The following CIT variants were observed in gnomAD, a reference collection of about 807,000 sequenced individuals.
CIT encodes citron rho-interacting serine/threonine kinase, also known as citron Rho-interacting kinase.
CIT carries 79 observed loss-of-function variants against 272.7 expected under a neutral mutation model. The ratio of observed to expected loss-of-function variants is 0.29; its 90% CI spans 0.24 to 0.35. The LOEUF is 0.35. Ranked by LOEUF, CIT falls within the 10% of genes least tolerant of loss-of-function variation. The pLI is 1.00. For synonymous variants in CIT, 948 were observed against 995.6 expected (o/e 0.95, Z 0.90); for missense variants, 1,909 against 2,618.3 (o/e 0.73, Z 5.91).
At position 119,697,684 on chromosome 12, in the gene CIT, G is replaced by T. The variant is rs752018106; in HGVS notation, c.5857C>A (p.His1953Asn). The T allele has an allele frequency of 1.2e-6, 2 of 1,614,148 alleles. No individual in the cohort carries two copies. Among genetic ancestry groups the T allele is most frequent in the Non-Finnish European group, 1.7e-6 (2 of 1,180,014 alleles). ...NLVKESGTEHHRGPSTSRSSP... is the reference protein window; with the variant it reads ...NLVKESGTEHNRGPSTSRSSP... ...CTGCGGGAGGTGGACGGGCCCCGGTGGTGTTCAGTGCCGGACTCCTTCACG... is the reference window on the plus strand; with the variant it reads ...CTGCGGGAGGTGGACGGGCCCCGGTTGTGTTCAGTGCCGGACTCCTTCACG... The change falls in exon 46 of 48, where the codon CAC becomes AAC. Residue 1953 changes from histidine to asparagine, a missense_variant. By Grantham distance (68) the His-to-Asn change is moderately conservative. Around this residue, in one of 8 missense-constraint regions of CIT, gnomAD observed 780 missense variants for 1,067.2 expected, o/e 0.73. Transcript: ENST00000392521. This position sits in a 1 kb window ranked among gnomAD's most constrained non-coding sequence, Gnocchi z 4.9.
In CIT at chr12:119,718,726, T is replaced by C; in HGVS notation, c.3976A>G (p.Ile1326Val). ...ELEEALQKTR[I>V]ELRSAREEAA... is the part of the protein sequence containing the mutation. ...TCCTCCCGGGCGGACCGGAGCTCGA[T>C]GCGGGTCTTCTGAAGGGCTTCCTCT... The change falls in exon 31 of 48, where the codon ATC (isoleucine) becomes GTC (valine). Residue 1326 changes from isoleucine to valine, a missense_variant. Around this residue, in one of 8 missense-constraint regions of CIT, gnomAD observed 780 missense variants for 1,067.2 expected, o/e 0.73. Coordinates refer to ENST00000392521, the MANE Select transcript of CIT (RefSeq NM_001206999.2). The surrounding 1 kb of genome is among the most constrained non-coding windows in gnomAD (Gnocchi z 4.8). The C allele has an allele frequency of 1.2e-6, 2 of 1,613,850 alleles. No individual in the cohort carries two copies. The highest frequency in any genetic ancestry group is 1.7e-6 in the Non-Finnish European group (2 of 1,180,042).
rs1353120733 is a variant in CIT, at chr12:119,694,153, C to T, written c.5882+3506G>A. 6.6e-6 allele frequency among the ~76,000 whole-genome samples: 1 copy of T among 152,156 alleles called. No homozygotes were observed. Among genetic ancestry groups the T allele is most frequent in the Non-Finnish European group, 1.5e-5 (1 of 68,030 alleles). ...CTTCCACACGCAGCTGGTGGGATGGCAAATGGGAGAAGCCTTCAGGGCAGA... is the reference window on the plus strand; with the variant it reads ...CTTCCACACGCAGCTGGTGGGATGGTAAATGGGAGAAGCCTTCAGGGCAGA... On this transcript the variant is annotated intron_variant, in intron 46 of 47. Coordinates refer to ENST00000392521, the MANE Select transcript of CIT (RefSeq NM_001206999.2). The surrounding 1 kb of genome is among the most constrained non-coding windows in gnomAD (Gnocchi z 4.5).
rs1966457517 is a variant in CIT, at chr12:119,804,309, C to G, written c.1112-920G>C. 3 of 985,438 alleles carry G rather than the reference C, an allele frequency of 3.0e-6. No individual in the cohort carries two copies. Among genetic ancestry groups the G allele is most frequent in the African/African-American group, 3.5e-5 (2 of 57,246 alleles). The allele number at this position is 985,438 out of a possible 1,614,324, so 61.0% of individuals were successfully genotyped here. ...CGCGGTGGGCTCCCGGGGGTGTCCC[C>G]CGCCAGAAACGTTACCATGGTTGCA... On this transcript the variant is annotated intron_variant, in intron 9 of 47. Coordinates refer to ENST00000392521, the MANE Select transcript of CIT (RefSeq NM_001206999.2). The surrounding 1 kb of genome is among the most constrained non-coding windows in gnomAD (Gnocchi z 5.3).
chr12:119,767,205 T>C, intron 18 of CIT, 23 bp from the exon 19 acceptor site: 1 of 1,586,606 alleles, frequency 6.3e-7, no homozygotes, highest in Non-Finnish European at 8.6e-7. Flanking sequence ...GAAAAGACAG[T>C]CAGGTGTGCA....
Position 119,876,072 on chromosome 12 carries a change from C to T in CIT, c.96+1G>A. On this transcript the variant is annotated splice_donor_variant, in intron 2 of 47. Transcript: ENST00000392521. LOFTEE classifies it high-confidence loss of function. The stretch of plus-strand genomic sequence containing the variant: ...GCAAAGTTGGCAGGGTAGGCTGTTA[C>T]CTGGAAGAACAGATTCAGCCTGGAG... 1.9e-6 allele frequency: 3 copies of T among 1,610,624 alleles called. No individual in the cohort carries two copies. The highest frequency in any genetic ancestry group is 2.5e-6 in the Non-Finnish European group (3 of 1,177,152).
intron 28 of CIT, among the ~76,000 whole-genome samples, chr12:119,725,095 T>C (rs2137171507): frequency 6.6e-6 from 1 of 152,194 alleles, no homozygotes; most frequent in Non-Finnish European, 1.5e-5. Context: ...AAAAATTCTT[T>C]CAATTCTGAG....
intron 3 of CIT, among the ~76,000 whole-genome samples, chr12:119,859,972 A>G (rs1479048030): frequency 6.6e-6 from 1 of 151,942 alleles, no homozygotes; most frequent in Non-Finnish European, 1.5e-5. Context: ...GCACACCACC[A>G]ATCTGGCTAA....
rs35056083 is a variant in CIT, at chr12:119,782,847, A to AG, written c.1546-211dup. The stretch of plus-strand genomic sequence containing the variant: ...AACATCATCTCAACCTGGTGACCTT[A>AG]GGGATCCAGCCGGAAACTGCATCAG... On this transcript the variant is annotated intron_variant, in intron 12 of 47. Coordinates refer to ENST00000392521, the MANE Select transcript of CIT (RefSeq NM_001206999.2). 0.45 allele frequency: 219,815 copies of AG among 487,470 alleles called. 51,483 individuals carry two copies. The highest frequency in any genetic ancestry group is 0.56 in the Admixed American group (16,199 of 28,960). 30.2% of individuals were successfully genotyped at this position (487,470 alleles called of 1,614,324 possible).
intron 19 of CIT, among the ~76,000 whole-genome samples, chr12:119,762,978 C>G (rs977407803): frequency 1.3e-5 from 2 of 152,120 alleles, no homozygotes; most frequent in African/African-American, 4.8e-5. Context: ...CCCAGGAGTT[C>G]GAAGCCTCAT....
At chr12:119,725,179 T>C (rs1202936245) in intron 28 of CIT, among the ~76,000 whole-genome samples, 5 of 152,062 alleles carry the variant, frequency 3.3e-5, no homozygotes, top group Admixed American at 3.3e-4. Context: ...TCCTAGCACA[T>C]TGGGAGGCTG....
intron 4 of CIT, among the ~76,000 whole-genome samples, chr12:119,852,024 C>T (rs565445312): frequency 6.6e-6 from 1 of 152,246 alleles, no homozygotes; most frequent in East Asian, 1.9e-4. Flanking sequence ...CCAAGCAAGA[C>T]CCTGTCTCTA....
In CIT at chr12:119,804,122, C is replaced by A. The variant is rs1295351178; in HGVS notation, c.1112-733G>T. 1.0e-6 allele frequency: 1 copy of A among 976,814 alleles called. No individual in the cohort carries two copies. The highest frequency in any genetic ancestry group is 1.2e-6 in the Non-Finnish European group (1 of 822,176). The allele number at this position is 976,814 out of a possible 1,614,324, so 60.5% of individuals were successfully genotyped here. A position where few individuals can be genotyped will look rare whatever the true frequency, so the allele number is the denominator to read the frequency against. On this transcript the variant is annotated intron_variant, in intron 9 of 47. Coordinates refer to ENST00000392521, the MANE Select transcript of CIT (RefSeq NM_001206999.2). This position sits in a 1 kb window ranked among gnomAD's most constrained non-coding sequence, Gnocchi z 5.3. ...CGGTGATCTACAGCACCCCTGCGCGCTGACGGTGGGAATGCACGGATGGAC... is the reference window on the plus strand; with the variant it reads ...CGGTGATCTACAGCACCCCTGCGCGATGACGGTGGGAATGCACGGATGGAC...
Position 119,710,094 on chromosome 12 carries a change from G to A in CIT, c.5071+157C>T, listed in dbSNP as rs991157516. 3.3e-5 allele frequency among the ~76,000 whole-genome samples: 5 copies of A among 152,070 alleles called. No homozygotes were observed. The highest frequency in any genetic ancestry group is 7.4e-5 in the Non-Finnish European group (5 of 68,004). On this transcript the variant is annotated intron_variant, in intron 39 of 47. Coordinates refer to ENST00000392521, the MANE Select transcript of CIT (RefSeq NM_001206999.2). This position sits in a 1 kb window ranked among gnomAD's most constrained non-coding sequence, Gnocchi z 5.6. ...AAGGGAACTGAATCTGGACAGAGGG[G>A]GTCCATTAGCTGAGGCTTGGGCATC...
chr12:119,698,988 C>A (rs548937226), intron 44 of CIT, among the ~76,000 whole-genome samples: 35 of 152,200 alleles, frequency 2.3e-4, no homozygotes, highest in Admixed American at 1.6e-3. Context: ...GGCGCGGTGG[C>A]TCATGCCTGT....
chr12:119,872,793 C>T (rs1271950466), intron 2 of CIT, among the ~76,000 whole-genome samples: 3 of 151,984 alleles, frequency 2.0e-5, no homozygotes, highest in Non-Finnish European at 4.4e-5. Context: ...TATCTGTTGC[C>T]TCCTATTTAT....
Position 119,713,429 on chromosome 12 carries a change from C to A in CIT, c.4487+39G>T. 1 of 1,599,388 alleles carries A rather than the reference C, an allele frequency of 6.3e-7. No individual in the cohort carries two copies. ...AACATCAGGGACAGAGTGGCTTGTGCCAGCACCTGCTCCAGCCCAAGCCAC... is the reference window on the plus strand; with the variant it reads ...AACATCAGGGACAGAGTGGCTTGTGACAGCACCTGCTCCAGCCCAAGCCAC... On this transcript the variant is annotated intron_variant, in intron 34 of 47. Transcript: ENST00000392521. This position sits in a 1 kb window ranked among gnomAD's most constrained non-coding sequence, Gnocchi z 5.2.
intron 41 of CIT, among the ~76,000 whole-genome samples, chr12:119,703,286 G>A (rs1956690740): frequency 3.3e-5 from 5 of 152,148 alleles, no homozygotes; most frequent in Admixed American, 2.6e-4. Context: ...AAAGGTGCTT[G>A]TAAAACAGCC....
intron 3 of CIT, among the ~76,000 whole-genome samples, chr12:119,863,287 C>T (rs1163095807): frequency 6.6e-6 from 1 of 150,470 alleles, no homozygotes; most frequent in Admixed American, 6.6e-5. Flanking sequence ...CACATGTTCT[C>T]ACATATAAAT....
At chr12:119,830,752 C>T (rs893326217) in intron 7 of CIT, among the ~76,000 whole-genome samples, 2 of 152,076 alleles carry the variant, frequency 1.3e-5, no homozygotes, top group Non-Finnish European at 1.5e-5. Context: ...CAGCGCATCC[C>T]CCACAACAAA....
Sources: gnomAD v4.1 joint callset for allele counts (sites outside exome capture counted in the v4.1 genomes callset) on GRCh38, gnomAD v4.1.1 for gene constraint, gnomAD v4.1.1 regional missense constraint, Gnocchi (gnomAD v3.1) non-coding constraint, MANE v1.5 for transcripts, NCBI Gene and HGNC (gene_info 2026-07-23, HGNC 2026-07-21) for gene names.